STX17: variants seen among roughly 807,000 people sequenced by gnomAD.
STX17 encodes syntaxin-17.
Under a neutral mutation model 35.9 loss-of-function variants are expected in STX17, and 29 were observed. The observed-to-expected ratio is 0.81, with a 90% CI of 0.60 to 1.10. The LOEUF (loss-of-function observed/expected upper bound fraction) is 1.10. STX17 is among the 50% of genes least tolerant of loss of function. The pLI is 0.00. For missense variants in STX17, 312 were observed against 352.3 expected (o/e 0.89, Z 0.92); for synonymous variants, 92 against 118.3 (o/e 0.78, Z 1.44).
chr9:99,962,424 A>G (rs570550219), intron 6 of STX17, among the ~76,000 whole-genome samples: 55 of 152,356 alleles, frequency 3.6e-4, no homozygotes, highest in Non-Finnish European at 6.6e-4. Flanking sequence ...TGTAAAACCT[A>G]TACATGTATG....
intron 4 of STX17, among the ~76,000 whole-genome samples, chr9:99,956,760 T>C (rs1288552726): frequency 2.0e-5 from 3 of 152,212 alleles, no homozygotes; most frequent in African/African-American, 7.2e-5. Context: ...TACAAATTAC[T>C]TTTTAGTCCA....
intron 4 of STX17, among the ~76,000 whole-genome samples, chr9:99,955,774 T>C (rs1429772257): frequency 6.6e-6 from 1 of 152,122 alleles, no homozygotes; most frequent in Non-Finnish European, 1.5e-5. Flanking sequence ...ATAGGTCCTA[T>C]GTTCTACTTG....
At chr9:99,960,199 G>C (rs1829800992) in intron 6 of STX17, 44 bp downstream of exon 6, 1 of 1,562,858 alleles carries the variant, frequency 6.4e-7, no homozygotes, top group African/African-American at 1.4e-5. Flanking sequence ...TGGATTATTA[G>C]AATGAGAAGC....
In STX17 at chr9:99,967,686, C is replaced by T; in HGVS notation, c.616C>T (p.His206Tyr). Residue 206 changes from histidine (H) to tyrosine (Y), a missense_variant, in exon 7 of 8, where the codon CAT (histidine) becomes TAT (tyrosine). Physicochemically the swap from His to Tyr is moderately conservative, Grantham distance 83 (BLOSUM62 2). Coordinates refer to ENST00000259400, the MANE Select transcript of STX17 (RefSeq NM_017919.3). ...QQEKIDSIADHVNSAAVNVEE... is the reference protein window; with the variant it reads ...QQEKIDSIADYVNSAAVNVEE... The stretch of plus-strand genomic sequence containing the variant: ...GGAGAAGATTGACAGCATTGCAGAC[C>T]ATGTCAACAGTGCTGCTGTGAATGT... 1 of 1,613,830 alleles carries T rather than the reference C, an allele frequency of 6.2e-7. No individual in the cohort carries two copies. Among genetic ancestry groups the T allele is most frequent in the Non-Finnish European group, 8.5e-7 (1 of 1,179,878 alleles).
At chr9:99,929,106 G>T (rs1179547199) in intron 3 of STX17, 3 of 266,926 alleles carry the variant, frequency 1.1e-5, no homozygotes, top group Non-Finnish European at 2.1e-5. Flanking sequence ...TTTAACATTG[G>T]TATTACCCAT....
chr9:99,915,494 C>A, intron 2 of STX17, 132 bp downstream of exon 2: 3 of 1,120,774 alleles, frequency 2.7e-6, no homozygotes, highest in Non-Finnish European at 3.6e-6. Flanking sequence ...GATTTAGCAA[C>A]ATTATGCATT....
In STX17 at chr9:99,973,813, G is replaced by A. The variant is rs374145345; in HGVS notation, c.*5140G>A. Among the ~76,000 whole-genome samples, 19 of 151,986 alleles carry A rather than the reference G, an allele frequency of 1.3e-4. No homozygotes were observed. The highest frequency in any genetic ancestry group is 2.2e-4 in the Non-Finnish European group (15 of 67,984). On this transcript the variant is annotated 3_prime_UTR_variant, in exon 8 of 8. Coordinates refer to ENST00000259400, the MANE Select transcript of STX17 (RefSeq NM_017919.3). ...TCCCACTGAATACCAAATAAAGTTC[G>A]AATCCCTTAGATTGGCATTCACAGC...
At chr9:99,924,250 AG>A (rs960059341) in intron 2 of STX17, among the ~76,000 whole-genome samples, 13 of 152,176 alleles carry the variant, frequency 8.5e-5, no homozygotes, top group African/African-American at 3.1e-4. Flanking sequence ...GGAGGGCAGG[AG>A]GTCAGAGAGA....
chr9:99,924,397 A>G (rs182368220), intron 2 of STX17, among the ~76,000 whole-genome samples: 56 of 151,978 alleles, frequency 3.7e-4, no homozygotes, highest in African/African-American at 1.2e-3. Context: ...CAATGTATAT[A>G]TATTATATAT....
At position 99,960,041 on chromosome 9, in the gene STX17, A is replaced by G; in HGVS notation, c.531+9A>G. On this transcript the variant is annotated intron_variant, in intron 5 of 7. Transcript: ENST00000259400. The stretch of plus-strand genomic sequence containing the variant: ...GGGAAACCTTAGAAGCGGTATGTTA[A>G]AAAATGTTTTCTTTTTGGTAGTTGT... The G allele has an allele frequency of 6.2e-7, 1 of 1,613,980 alleles. No homozygotes were observed. The highest frequency in any genetic ancestry group is 8.5e-7 in the Non-Finnish European group (1 of 1,179,940).
intron 3 of STX17, among the ~76,000 whole-genome samples, chr9:99,949,841 A>C (rs1262465616): frequency 2.0e-5 from 3 of 151,950 alleles, no homozygotes; most frequent in Non-Finnish European, 4.4e-5. Context: ...AAAGCTCCCC[A>C]GTATATTTTA....
chr9:99,918,070 T>G (rs1422898748), intron 2 of STX17, among the ~76,000 whole-genome samples: 1 of 152,176 alleles, frequency 6.6e-6, no homozygotes, highest in Non-Finnish European at 1.5e-5. Flanking sequence ...CCAGCTTGGA[T>G]GGAATAACCA....
rs780370135 is a variant in STX17, at chr9:99,951,184, T to C, written c.314T>C (p.Phe105Ser). The C allele has an allele frequency of 6.2e-7, 1 of 1,613,184 alleles. No homozygotes were observed. Among genetic ancestry groups the C allele is most frequent in the Non-Finnish European group, 8.5e-7 (1 of 1,179,282 alleles). The change falls in exon 4 of 8, where the codon TTT (phenylalanine) becomes TCT (serine). Residue 105 changes from phenylalanine (F) to serine (S), a missense_variant. Coordinates refer to ENST00000259400, the MANE Select transcript of STX17 (RefSeq NM_017919.3). ...KEEASAATAE[F>S]LQLHLESVEE... ...GAAGCATCAGCAGCAACAGCAGAATTTCTCCAACTCCATTTGGAATCTGTA... is the reference window on the plus strand; with the variant it reads ...GAAGCATCAGCAGCAACAGCAGAATCTCTCCAACTCCATTTGGAATCTGTA...
At chr9:99,910,334 T>C (rs1828634940) in intron 1 of STX17, among the ~76,000 whole-genome samples, 1 of 152,178 alleles carries the variant, frequency 6.6e-6, no homozygotes, top group Admixed American at 6.5e-5. Context: ...TGAGACATCA[T>C]TTTTTTCACC....
Position 99,913,985 on chromosome 9 carries a change from T to G in STX17, c.-62-1193T>G, listed in dbSNP as rs1409192055. On this transcript the variant is annotated intron_variant, in intron 1 of 7. Transcript: ENST00000259400. ...CACTTTTTTTTTCTTTTTTTTTTTT[T>G]GTAGAGATGGGATTTTGGCATGTTG... 3.3e-5 allele frequency: 5 copies of G among 151,296 alleles called. 1 individual carries two copies. Among genetic ancestry groups the G allele is most frequent in the South Asian group, 4.2e-4 (2 of 4,808 alleles). The allele number at this position is 151,296 out of a possible 1,614,324, so 9.4% of individuals were successfully genotyped here. A position where few individuals can be genotyped will look rare whatever the true frequency, so the allele number is the denominator to read the frequency against.
At chr9:99,933,787 A>G (rs1829173352) in intron 3 of STX17, among the ~76,000 whole-genome samples, 1 of 152,186 alleles carries the variant, frequency 6.6e-6, no homozygotes, top group African/African-American at 2.4e-5. Flanking sequence ...TTTAAAACAC[A>G]TTGTAATTGC....
chr9:99,933,784 C>T (rs1178594049), intron 3 of STX17, among the ~76,000 whole-genome samples: 1 of 152,150 alleles, frequency 6.6e-6, no homozygotes, highest in Non-Finnish European at 1.5e-5. Context: ...TAATTTAAAA[C>T]ACATTGTAAT....
chr9:99,917,159 G>A (rs1828793482), intron 2 of STX17, among the ~76,000 whole-genome samples: 1 of 152,098 alleles, frequency 6.6e-6, no homozygotes. Context: ...TATAATGTAG[G>A]TGATATCATC....
At position 99,970,373 on chromosome 9, in the gene STX17, ATAT is replaced by A. The variant is rs1261034338; in HGVS notation, c.*1703_*1705del. 1.3e-5 allele frequency: 2 copies of A among 152,200 alleles called. No individual in the cohort carries two copies. The highest frequency in any genetic ancestry group is 2.9e-5 in the Non-Finnish European group (2 of 68,040). The allele number at this position is 152,200 out of a possible 1,614,324, so 9.4% of individuals were successfully genotyped here. ...CTCTCTGCTGCTTTATATCATTAACATATTAATAATACCAAGAAGGAAATACTT... is the reference window on the plus strand; with the variant it reads ...CTCTCTGCTGCTTTATATCATTAACATAATAATACCAAGAAGGAAATACTT... On this transcript the variant is annotated 3_prime_UTR_variant, in exon 8 of 8. Transcript: ENST00000259400.
Sources: allele counts gnomAD v4.1 joint callset (sites outside exome capture counted in the v4.1 genomes callset), GRCh38; gene constraint gnomAD v4.1.1; transcripts MANE v1.5; gene names NCBI Gene and HGNC (gene_info 2026-07-23, HGNC 2026-07-21).